QPCT: variants seen among roughly 807,000 people sequenced by gnomAD.
QPCT encodes glutaminyl-peptide cyclotransferase.
In QPCT, 44 loss-of-function variants were observed where a neutral mutation model predicts 43.4. The ratio of observed to expected loss-of-function variants is 1.01; its 90% CI spans 0.80 to 1.30. The LOEUF (loss-of-function observed/expected upper bound fraction) is 1.30. QPCT is among the 50% of genes most tolerant of loss of function. The pLI, the probability that QPCT is intolerant of heterozygous loss-of-function variation, is 0.00. For synonymous variants in QPCT, 168 were observed against 168.4 expected, an observed-to-expected ratio of 1.00 and a Z score of 0.02; for missense variants, 526 against 436.5, an observed-to-expected ratio of 1.21 and a Z score of -1.83.
At chr2:37,351,147 T>G (rs1407214711) in intron 1 of QPCT, among the ~76,000 whole-genome samples, 1 of 152,236 alleles carries the variant, frequency 6.6e-6, no homozygotes, top group African/African-American at 2.4e-5. Flanking sequence ...GTCGATCACA[T>G]GGAATGAAAA....
At chr2:37,366,945 A>G (rs1382125845) in intron 3 of QPCT, among the ~76,000 whole-genome samples, 1 of 152,216 alleles carries the variant, frequency 6.6e-6, no homozygotes, top group African/African-American at 2.4e-5. Flanking sequence ...ACGATTCATC[A>G]CAGCACTTTC....
At chr2:37,354,796 G>T (rs1385024810) in intron 2 of QPCT, among the ~76,000 whole-genome samples, 1 of 152,102 alleles carries the variant, frequency 6.6e-6, no homozygotes, top group African/African-American at 2.4e-5. Context: ...CTAGGTCTGT[G>T]ATGCTTACTC....
intron 5 of QPCT, among the ~76,000 whole-genome samples, chr2:37,371,447 A>AAAAAAAG (rs1673072328): frequency 6.6e-6 from 1 of 151,520 alleles, no homozygotes; most frequent in African/African-American, 2.4e-5. Flanking sequence ...AAAAAAAAAA[A>AAAAAAAG]AAAAAGAAAA....
At chr2:37,354,632 C>T (rs906499418) in intron 2 of QPCT, among the ~76,000 whole-genome samples, 1 of 152,182 alleles carries the variant, frequency 6.6e-6, no homozygotes, top group Non-Finnish European at 1.5e-5. Flanking sequence ...GTCTCCAGCT[C>T]TCGATCTTCT....
chr2:37,357,282 CTT>C (rs59312382), intron 2 of QPCT, among the ~76,000 whole-genome samples: 21 of 128,708 alleles, frequency 1.6e-4, no homozygotes, highest in Admixed American at 3.1e-4. Context: ...GGAGTATATG[CTT>C]TTTTTTTTTT....
chr2:37,346,124 C>G (rs942478161), intron 1 of QPCT, among the ~76,000 whole-genome samples: 2 of 151,922 alleles, frequency 1.3e-5, no homozygotes, highest in Non-Finnish European at 2.9e-5. Flanking sequence ...CCCACTCCCA[C>G]CCAGCTACAT....
At position 37,372,697 on chromosome 2, in the gene QPCT, A is replaced by T. The variant is rs771095889; in HGVS notation, c.956A>T (p.His319Leu). 1 of 1,613,322 alleles carries T rather than the reference A, an allele frequency of 6.2e-7. No individual in the cohort carries two copies. The highest frequency in any genetic ancestry group is 8.5e-7 in the Non-Finnish European group (1 of 1,179,778). The change falls in exon 7 of 7, where the codon CAT (histidine) becomes CTT (leucine). Residue 319 changes from histidine to leucine, a missense_variant. Transcript: ENST00000338415. ...TTCTTAATAGGTGTTCCAGTTCTGC[A>T]TCTGATACCGTCTCCTTTCCCTGAA... ...PFLRRGVPVL[H>L]LIPSPFPEVW...
chr2:37,347,231 CATATAT>C (rs74216920), intron 1 of QPCT, among the ~76,000 whole-genome samples: 24 of 55,484 alleles, frequency 4.3e-4, no homozygotes, highest in East Asian at 9.1e-4. Context: ...ATATATATAA[CATATAT>C]ATATATATAA....
intron 3 of QPCT, among the ~76,000 whole-genome samples, chr2:37,364,129 A>G (rs565210501): frequency 6.6e-6 from 1 of 152,350 alleles, no homozygotes; most frequent in African/African-American, 2.4e-5. Flanking sequence ...GAATCTTCAG[A>G]CCCAGAAAAA....
intron 1 of QPCT, among the ~76,000 whole-genome samples, chr2:37,347,164 A>ATATT (rs555548922): frequency 3.4e-5 from 1 of 29,792 alleles, no homozygotes; most frequent in African/African-American, 2.2e-4. Context: ...ATATATATAT[A>ATATT]ACATATATAT....
At chr2:37,361,010 T>C (rs1255891354) in intron 3 of QPCT, among the ~76,000 whole-genome samples, 1 of 152,242 alleles carries the variant, frequency 6.6e-6, no homozygotes, top group Non-Finnish European at 1.5e-5. Context: ...ATATAGCTCA[T>C]ATCTGCTTTT....
intron 1 of QPCT, among the ~76,000 whole-genome samples, chr2:37,347,170 T>TA (rs1672512357): frequency 1.9e-5 from 1 of 52,850 alleles, no homozygotes; most frequent in African/African-American, 8.5e-5. Flanking sequence ...ATATAACATA[T>TA]ATATATATAA....
chr2:37,361,438 C>T (rs1672856285), intron 3 of QPCT, among the ~76,000 whole-genome samples: 1 of 152,230 alleles, frequency 6.6e-6, no homozygotes, highest in South Asian at 2.1e-4. Flanking sequence ...TGTACTTCCT[C>T]ATCCCTTCAC....
At chr2:37,366,612 C>A (rs981015589) in intron 3 of QPCT, among the ~76,000 whole-genome samples, 1 of 152,208 alleles carries the variant, frequency 6.6e-6, no homozygotes, top group Non-Finnish European at 1.5e-5. Flanking sequence ...CCAAGAAGCG[C>A]CCTCTGACAT....
intron 3 of QPCT, among the ~76,000 whole-genome samples, chr2:37,365,354 G>A (rs1381804348): frequency 6.6e-6 from 1 of 152,210 alleles, no homozygotes; most frequent in African/African-American, 2.4e-5. Context: ...TAAGTCAAGA[G>A]AGATGAAGAC....
In QPCT at chr2:37,344,716, A is replaced by G. The variant is rs375051651; in HGVS notation, c.-16A>G. The G allele has an allele frequency of 1.6e-5, 25 of 1,594,996 alleles. No homozygotes were observed. The African/African-American group carries it at 2.7e-4, about 17-fold the overall frequency. ...CCAGCGGCCCGGGGAACCCGCTCCC[A>G]GACAGACTCGGAGAGATGGCAGGCG... On this transcript the variant is annotated 5_prime_UTR_variant, in exon 1 of 7. Transcript: ENST00000338415.
intron 3 of QPCT, among the ~76,000 whole-genome samples, chr2:37,362,115 G>A (rs569827059): frequency 1.2e-4 from 18 of 152,310 alleles, no homozygotes; most frequent in Non-Finnish European, 2.4e-4. Context: ...GATCATTGGA[G>A]TCTCCCAGCT....
At chr2:37,346,310 G>A (rs1672488397) in intron 1 of QPCT, among the ~76,000 whole-genome samples, 1 of 152,174 alleles carries the variant, frequency 6.6e-6, no homozygotes, top group Admixed American at 6.5e-5. Context: ...CTTCCCATGG[G>A]GGCCCATGAA....
In QPCT at chr2:37,363,626, G is replaced by A. The variant is rs189170278; in HGVS notation, c.547-3606G>A. Among the ~76,000 whole-genome samples the A allele has an allele frequency of 8.5e-5, 12 of 141,604 alleles. No individual in the cohort carries two copies. In the East Asian group the frequency reaches 2.4e-3, roughly 29 times the overall value. 92.9% of individuals were successfully genotyped at this position (141,604 alleles called of 152,430 possible). ...AGCCTGGGCAACAGAGTGAGACCCT[G>A]TCTCTTAAATAAATAAATACTTTTT... On this transcript the variant is annotated intron_variant, in intron 3 of 6. Transcript: ENST00000338415.
Sources: allele counts gnomAD v4.1 joint callset (sites outside exome capture counted in the v4.1 genomes callset), GRCh38; gene constraint gnomAD v4.1.1; transcripts MANE v1.5; gene names NCBI Gene and HGNC (gene_info 2026-07-23, HGNC 2026-07-21).